Variants in PKIB observed in about 807,000 individuals in gnomAD.
PKIB encodes cAMP-dependent protein kinase inhibitor beta.
In PKIB, 2 loss-of-function variants were observed where a neutral mutation model predicts 4.5. The observed-to-expected ratio is 0.44, with a 90% CI of 0.18 to 1.39. The LOEUF is 1.39. PKIB is among the 40% of genes most tolerant of loss of function. The pLI is 0.27. For missense variants in PKIB, 94 were observed against 92.6 expected, an observed-to-expected ratio of 1.02 and a Z score of -0.06; for synonymous variants, 38 against 36.0, an observed-to-expected ratio of 1.06 and a Z score of -0.20.
intron 2 of PKIB, among the ~76,000 whole-genome samples, chr6:122,519,067 G>A (rs893778257): frequency 1.3e-5 from 2 of 152,140 alleles, no homozygotes; most frequent in Admixed American, 1.3e-4. Context: ...TAGGCTAGGG[G>A]TACCAGTCCG....
intron 1 of PKIB, among the ~76,000 whole-genome samples, chr6:122,621,901 G>A (rs1179807671): frequency 1.8e-4 from 27 of 152,062 alleles, no homozygotes; most frequent in Admixed American, 1.8e-3. Flanking sequence ...AGGAAATATG[G>A]GGAGGGCTGG....
intron 1 of PKIB, among the ~76,000 whole-genome samples, chr6:122,473,845 C>G (rs1206163702): frequency 6.6e-6 from 1 of 152,178 alleles, no homozygotes; most frequent in Non-Finnish European, 1.5e-5. Context: ...AAAAAACATT[C>G]TATCTAGCTG....
intron 2 of PKIB, among the ~76,000 whole-genome samples, chr6:122,642,974 G>A (rs1170936546): frequency 6.6e-6 from 1 of 152,046 alleles, no homozygotes; most frequent in Non-Finnish European, 1.5e-5. Flanking sequence ...TAAAAGGATT[G>A]CAGATTTTTA....
chr6:122,579,937 A>G (rs1431274607), intron 2 of PKIB, among the ~76,000 whole-genome samples: 2 of 152,226 alleles, frequency 1.3e-5, no homozygotes, highest in East Asian at 1.9e-4. Flanking sequence ...CATCGTATAT[A>G]GATACATATT....
intron 1 of PKIB, among the ~76,000 whole-genome samples, chr6:122,473,458 A>C (rs983825543): frequency 1.1e-4 from 17 of 152,172 alleles, no homozygotes; most frequent in African/African-American, 3.9e-4. Context: ...AGTCATATTA[A>C]TCTTTCTGGA....
chr6:122,482,014 A>G (rs556479136), intron 2 of PKIB: 44 of 147,818 alleles, frequency 3.0e-4, no homozygotes, highest in African/African-American at 9.8e-4. Context: ...GCTGGAATGC[A>G]GTGGCGCGAT....
rs1254836747 is a variant in PKIB, at chr6:122,474,547, A to G, written c.-337+2506A>G. On this transcript the variant is annotated intron_variant, in intron 1 of 6. Coordinates refer to the PKIB transcript ENST00000392491. ...ATTAAACTTTTGATCCATATGTGGCATCAGAGAGCTGAAGGTTATGTTTGT... is the reference window on the plus strand; with the variant it reads ...ATTAAACTTTTGATCCATATGTGGCGTCAGAGAGCTGAAGGTTATGTTTGT... Among the ~76,000 whole-genome samples the G allele has an allele frequency of 2.6e-5, 4 of 152,252 alleles. No homozygotes were observed. In the East Asian group the frequency reaches 5.8e-4, roughly 22 times the overall value.
intron 3 of PKIB, among the ~76,000 whole-genome samples, chr6:122,604,084 A>G (rs1375623293): frequency 6.6e-6 from 1 of 152,198 alleles, no homozygotes; most frequent in East Asian, 1.9e-4. Context: ...TTAAATGGTT[A>G]GTTGGTTAGG....
chr6:122,545,081 C>A (rs12198012), intron 2 of PKIB, among the ~76,000 whole-genome samples: 23,206 of 151,912 alleles, frequency 0.15, 1,906 homozygotes, highest in East Asian at 0.26. Context: ...AACAGTCTGG[C>A]GATTTCTCAA....
At chr6:122,509,908 GT>G (rs111523779) in intron 2 of PKIB, among the ~76,000 whole-genome samples, 29 of 144,860 alleles carry the variant, frequency 2.0e-4, no homozygotes, top group East Asian at 8.0e-4. Context: ...GGCTTGTTGA[GT>G]TTTTTTTTTT....
intron 2 of PKIB, among the ~76,000 whole-genome samples, chr6:122,645,016 A>G (rs1776258271): frequency 6.6e-6 from 1 of 152,066 alleles, no homozygotes; most frequent in Admixed American, 6.6e-5. Flanking sequence ...TTATTTTTCA[A>G]TTTTTGTCTT....
chr6:122,665,967 AC>A (rs1777207302), intron 2 of PKIB, among the ~76,000 whole-genome samples: 1 of 152,238 alleles, frequency 6.6e-6, no homozygotes, highest in African/African-American at 2.4e-5. Flanking sequence ...TACACTAAGT[AC>A]TTTTCGGACA....
At chr6:122,629,276 A>G (rs1363298793) in intron 1 of PKIB, among the ~76,000 whole-genome samples, 1 of 152,228 alleles carries the variant, frequency 6.6e-6, no homozygotes, top group Non-Finnish European at 1.5e-5. Flanking sequence ...GTATTGCATT[A>G]ACAGGAAAAG....
chr6:122,725,268 T>C lies in PKIB; in HGVS notation c.*73T>C, dbSNP rs912512833. The C allele has an allele frequency of 2.5e-5, 31 of 1,239,410 alleles. No homozygotes were observed. The highest frequency in any genetic ancestry group is 3.2e-5 in the Non-Finnish European group (28 of 866,862). 76.8% of individuals were successfully genotyped at this position (1,239,410 alleles called of 1,614,324 possible). ...TTAGTGGTTCTGTTTTCTTGAGACA[T>C]TTAATCTGGTGGTAACTGTGGTAAC... is the stretch of plus-strand genomic sequence containing the variant. On this transcript the variant is annotated 3_prime_UTR_variant, in exon 5 of 5. Transcript: ENST00000368452.
At chr6:122,718,701 G>A (rs2115078473) in intron 4 of PKIB, among the ~76,000 whole-genome samples, 1 of 152,248 alleles carries the variant, frequency 6.6e-6, no homozygotes, top group South Asian at 2.1e-4. Context: ...TGGTGACAAT[G>A]AAGCAAGTGA....
intron 2 of PKIB, among the ~76,000 whole-genome samples, chr6:122,637,112 G>A (rs891535074): frequency 6.6e-6 from 1 of 152,100 alleles, no homozygotes; most frequent in Non-Finnish European, 1.5e-5. Flanking sequence ...AAATAGATTG[G>A]CAAATAATTT....
chr6:122,689,121 T>G (rs1217847605), intron 3 of PKIB, among the ~76,000 whole-genome samples: 5 of 152,050 alleles, frequency 3.3e-5, no homozygotes, highest in Non-Finnish European at 7.4e-5. Context: ...AACATCTCCT[T>G]TTTCATCTCT....
intron 3 of PKIB, among the ~76,000 whole-genome samples, chr6:122,697,426 AT>A (rs1296095772): frequency 6.6e-6 from 1 of 151,730 alleles, no homozygotes; most frequent in Non-Finnish European, 1.5e-5. Flanking sequence ...GGATTAGGAG[AT>A]GTGCCTTCCT....
intron 2 of PKIB, among the ~76,000 whole-genome samples, chr6:122,553,473 A>T (rs1772741660): frequency 1.9e-5 from 1 of 51,778 alleles, no homozygotes; most frequent in African/African-American, 7.3e-5. Context: ...AGATTGCTCA[A>T]ATATCTTCTT....
Sources: gnomAD v4.1 joint callset for allele counts (sites outside exome capture counted in the v4.1 genomes callset) on GRCh38, gnomAD v4.1.1 for gene constraint, MANE v1.5 for transcripts, NCBI Gene and HGNC (gene_info 2026-07-23, HGNC 2026-07-21) for gene names.